Variants in NEK10 observed in about 807,000 individuals in gnomAD.
The protein encoded by NEK10 is NIMA related kinase 10.
Under a neutral mutation model 159.8 loss-of-function variants are expected in NEK10, and 122 were observed. The observed-to-expected ratio is 0.76, with a 90% CI of 0.66 to 0.89. NEK10 has a LOEUF of 0.89. Among genes scored for constraint, NEK10 ranks in the 40% least tolerant of loss-of-function variants. NEK10 has a pLI of 0.00. For synonymous variants in NEK10, 466 were observed against 457.1 expected (o/e 1.02, Z -0.25); for missense variants, 1,342 against 1,323.1 (o/e 1.01, Z -0.22).
At chr3:27,334,698 T>C (rs2149727512) in intron 5 of NEK10, among the ~76,000 whole-genome samples, 1 of 152,240 alleles carries the variant, frequency 6.6e-6, no homozygotes, top group Non-Finnish European at 1.5e-5. Context: ...AAAACCAAAG[T>C]ACCCTACCCA....
intron 23 of NEK10, among the ~76,000 whole-genome samples, chr3:27,255,936 G>T (rs1202221052): frequency 1.3e-5 from 2 of 152,094 alleles, no homozygotes; most frequent in African/African-American, 4.8e-5. Flanking sequence ...ACATACAAGA[G>T]GGTACAATAA....
intron 22 of NEK10, among the ~76,000 whole-genome samples, chr3:27,282,004 A>T (rs1018205278): frequency 1.3e-5 from 2 of 152,230 alleles, no homozygotes; most frequent in Non-Finnish European, 2.9e-5. Context: ...GAGAAAAACA[A>T]AACTACCTAT....
At chr3:27,150,505 A>G (rs1201736574) in intron 30 of NEK10, among the ~76,000 whole-genome samples, 1 of 152,224 alleles carries the variant, frequency 6.6e-6, no homozygotes, top group East Asian at 1.9e-4. Flanking sequence ...CTCTATAAAT[A>G]GAACAACAAA....
intron 32 of NEK10, among the ~76,000 whole-genome samples, chr3:27,121,549 C>T (rs1369714478): frequency 6.6e-6 from 1 of 152,104 alleles, no homozygotes; most frequent in South Asian, 2.1e-4. Flanking sequence ...CTGGAGTTTG[C>T]CTGCACAAGC....
chr3:27,167,506 A>G (rs1946594034), intron 29 of NEK10, among the ~76,000 whole-genome samples: 1 of 152,206 alleles, frequency 6.6e-6, no homozygotes, highest in Admixed American at 6.5e-5. Context: ...AGCCCCAGTG[A>G]GCATTATCAA....
intron 18 of NEK10, 30 bp downstream of exon 18, chr3:27,291,232 A>G (rs763708927): frequency 1.2e-6 from 2 of 1,602,432 alleles, no homozygotes; most frequent in Non-Finnish European, 1.7e-6. Context: ...GGTTGGGAGT[A>G]TCAGAAATGT....
intron 35 of NEK10, 96 bp from the exon 36 acceptor site, chr3:27,111,416 A>G (rs1939515388): frequency 1.1e-6 from 1 of 902,066 alleles, no homozygotes; most frequent in African/African-American, 1.7e-5. Flanking sequence ...ATATAAGTAA[A>G]TAAATCACAG....
intron 32 of NEK10, among the ~76,000 whole-genome samples, chr3:27,121,210 G>GAT (rs1427453610): frequency 6.6e-6 from 1 of 152,082 alleles, no homozygotes; most frequent in Non-Finnish European, 1.5e-5. Flanking sequence ...AGAATGGATA[G>GAT]ATATATATCA....
intron 7 of NEK10, among the ~76,000 whole-genome samples, 151 bp from the exon 8 acceptor site, chr3:27,312,328 C>G (rs1023456401): frequency 6.6e-6 from 1 of 152,146 alleles, no homozygotes; most frequent in Non-Finnish European, 1.5e-5. Flanking sequence ...AGTTATCGCT[C>G]AAGTGCAAAA....
chr3:27,358,390 T>C (rs1383301539), intron 1 of NEK10, among the ~76,000 whole-genome samples: 3 of 152,208 alleles, frequency 2.0e-5, no homozygotes, highest in Non-Finnish European at 4.4e-5. Flanking sequence ...CCTAGACAAG[T>C]ACAGCTATAA....
At chr3:27,229,764 G>T (rs2149201897) in intron 23 of NEK10, among the ~76,000 whole-genome samples, 1 of 152,112 alleles carries the variant, frequency 6.6e-6, no homozygotes, top group South Asian at 2.1e-4. Flanking sequence ...ACATGTAGAA[G>T]AAAGAATTTC....
In NEK10 at chr3:27,111,282, G is replaced by A. The variant is rs1313133220; in HGVS notation, c.3338C>T (p.Thr1113Ile). 2 of 1,609,320 alleles carry A rather than the reference G, an allele frequency of 1.2e-6. No individual in the cohort carries two copies. The highest frequency in any genetic ancestry group is 2.2e-5 in the East Asian group (1 of 44,488). ...SYPWGTKNHPTKR is the reference protein window; with the variant it reads ...SYPWGTKNHPIKR ...CAAAATGCAGCATTTTCATCTTTTG[G>A]TTGGGTGATTCTTGGTCCCCCATGG... is the stretch of plus-strand genomic sequence containing the variant. Residue 1113 changes from threonine to isoleucine, a missense_variant, in exon 36 of 36, where the codon ACC becomes ATC. Coordinates refer to ENST00000691995, the MANE Select transcript of NEK10 (RefSeq NM_001394966.1).
At chr3:27,357,115 A>G (rs1316098911) in intron 1 of NEK10, among the ~76,000 whole-genome samples, 1 of 152,176 alleles carries the variant, frequency 6.6e-6, no homozygotes, top group Non-Finnish European at 1.5e-5. Flanking sequence ...ACATATTGTT[A>G]TTATGTGGTA....
At chr3:27,339,865 C>T (rs1205704484) in intron 5 of NEK10, among the ~76,000 whole-genome samples, 2 of 151,438 alleles carry the variant, frequency 1.3e-5, no homozygotes, top group African/African-American at 4.9e-5. Context: ...ACAACAGATG[C>T]TGGCGAGGTT....
chr3:27,361,077 G>T (rs910438979), intron 1 of NEK10, among the ~76,000 whole-genome samples: 1 of 152,100 alleles, frequency 6.6e-6, no homozygotes, highest in Non-Finnish European at 1.5e-5. Flanking sequence ...GCTAATACTG[G>T]CCCATGTTGG....
chr3:27,195,769 G>A (rs1331462370), intron 25 of NEK10, among the ~76,000 whole-genome samples: 1 of 152,120 alleles, frequency 6.6e-6, no homozygotes, highest in Non-Finnish European at 1.5e-5. Flanking sequence ...CCCAGAGTAA[G>A]ACAGGTCCTT....
chr3:27,162,596 G>A (rs943139701), intron 30 of NEK10, 105 bp downstream of exon 30: 5 of 1,613,962 alleles, frequency 3.1e-6, no homozygotes, highest in Admixed American at 1.7e-5. Flanking sequence ...TCAAGAGGCA[G>A]CAAAGCTGAA....
chr3:27,290,779 CA>C, intron 18 of NEK10, 25 bp from the exon 19 acceptor site: 1 of 1,568,198 alleles, frequency 6.4e-7, no homozygotes, highest in Non-Finnish European at 8.7e-7. Context: ...AACACAACAA[CA>C]ACAAAAGGAA....
At chr3:27,304,381 C>A (rs980007973) in intron 12 of NEK10, among the ~76,000 whole-genome samples, 2 of 152,070 alleles carry the variant, frequency 1.3e-5, no homozygotes, top group East Asian at 3.9e-4. Context: ...CTTGGAATGA[C>A]AAAATGCATA....
Sources: gnomAD v4.1 joint callset for allele counts (sites outside exome capture counted in the v4.1 genomes callset) on GRCh38, gnomAD v4.1.1 for gene constraint, MANE v1.5 for transcripts, NCBI Gene and HGNC (gene_info 2026-07-23, HGNC 2026-07-21) for gene names.